KCNIP4: variants seen among roughly 807,000 people sequenced by gnomAD.
KCNIP4 encodes potassium voltage-gated channel interacting protein 4, also known as Kv channel-interacting protein 4.
Under a neutral mutation model 34.0 loss-of-function variants are expected in KCNIP4, and 12 were observed. The observed-to-expected ratio is 0.35, with a 90% CI of 0.23 to 0.57. The LOEUF (loss-of-function observed/expected upper bound fraction) is 0.57, where lower values mean the gene tolerates loss of function less well. Among genes scored for constraint, KCNIP4 ranks in the 20% least tolerant of loss-of-function variants. The pLI, the probability that KCNIP4 is intolerant of heterozygous loss-of-function variation, is 0.83. For missense variants in KCNIP4, 238 were observed against 311.7 expected, an observed-to-expected ratio of 0.76 and a Z score of 1.78; for synonymous variants, 124 against 102.2, an observed-to-expected ratio of 1.21 and a Z score of -1.29.
At chr4:21,259,665 C>T (rs565923661) in intron 1 of KCNIP4, among the ~76,000 whole-genome samples, 1 of 152,214 alleles carries the variant, frequency 6.6e-6, no homozygotes, top group Admixed American at 6.5e-5. Flanking sequence ...AAAGCATTAC[C>T]TTTTCTAAAG....
At chr4:20,932,930 T>C (rs933396033) in intron 1 of KCNIP4, among the ~76,000 whole-genome samples, 2 of 152,226 alleles carry the variant, frequency 1.3e-5, no homozygotes, top group African/African-American at 2.4e-5. Flanking sequence ...AGCTTAAGTA[T>C]TGGAACTATT....
intron 1 of KCNIP4, among the ~76,000 whole-genome samples, chr4:21,446,886 C>T (rs1728058901): frequency 6.6e-6 from 1 of 151,826 alleles, no homozygotes; most frequent in South Asian, 2.1e-4. Context: ...TCAAGTAATA[C>T]ATTCTATTGT....
intron 1 of KCNIP4, among the ~76,000 whole-genome samples, chr4:21,108,920 G>A (rs559607810): frequency 2.3e-4 from 35 of 152,120 alleles, no homozygotes; most frequent in South Asian, 8.3e-4. Flanking sequence ...GCGGATTTTC[G>A]TGAACCACGA....
At chr4:21,785,003 G>A (rs1233944910) in intron 1 of KCNIP4, among the ~76,000 whole-genome samples, 1 of 152,098 alleles carries the variant, frequency 6.6e-6, no homozygotes, top group East Asian at 1.9e-4. Flanking sequence ...TTATATTACT[G>A]GCTGTCCCCA....
At chr4:21,263,667 T>G (rs1378014941) in intron 1 of KCNIP4, among the ~76,000 whole-genome samples, 1 of 152,106 alleles carries the variant, frequency 6.6e-6, no homozygotes, top group Non-Finnish European at 1.5e-5. Context: ...TTCTGTTTAA[T>G]TTTTTAATTT....
At chr4:21,522,613 C>T (rs999361952) in intron 1 of KCNIP4, among the ~76,000 whole-genome samples, 1 of 152,184 alleles carries the variant, frequency 6.6e-6, no homozygotes, top group East Asian at 1.9e-4. Context: ...TCCTCAAATG[C>T]TCCTACCCTT....
chr4:21,048,190 C>A (rs530397105), intron 1 of KCNIP4, among the ~76,000 whole-genome samples: 148 of 152,276 alleles, frequency 9.7e-4, no homozygotes, highest in African/African-American at 3.4e-3. Context: ...AAACCTCAAA[C>A]CTCAGTTGGT....
intron 1 of KCNIP4, among the ~76,000 whole-genome samples, chr4:21,475,212 T>G (rs2109816776): frequency 6.6e-6 from 1 of 152,302 alleles, no homozygotes; most frequent in African/African-American, 2.4e-5. Context: ...TATATATCTC[T>G]ACTTTTATGT....
At chr4:21,019,178 C>T (rs980710188) in intron 1 of KCNIP4, among the ~76,000 whole-genome samples, 7 of 152,042 alleles carry the variant, frequency 4.6e-5, no homozygotes, top group Non-Finnish European at 8.8e-5. Flanking sequence ...GTTGTTGAGA[C>T]GGAGTCTTGC....
intron 1 of KCNIP4, among the ~76,000 whole-genome samples, chr4:21,015,815 C>T: frequency 7.9e-6 from 1 of 126,666 alleles, no homozygotes; most frequent in African/African-American, 3.0e-5. Flanking sequence ...ACTATATATA[C>T]CATATATAAA....
intron 1 of KCNIP4, among the ~76,000 whole-genome samples, chr4:21,558,665 C>T (rs1739273482): frequency 6.6e-6 from 1 of 151,990 alleles, no homozygotes; most frequent in Non-Finnish European, 1.5e-5. Context: ...TGTCCAAAGG[C>T]TAAGGCTATC....
intron 1 of KCNIP4, among the ~76,000 whole-genome samples, chr4:21,930,075 C>T (rs1269708480): frequency 6.6e-6 from 1 of 152,056 alleles, no homozygotes. Flanking sequence ...TATTTCTAGC[C>T]CCTTCTGGGA....
intron 1 of KCNIP4, among the ~76,000 whole-genome samples, chr4:21,540,115 G>T (rs900903598): frequency 6.6e-6 from 1 of 152,042 alleles, no homozygotes; most frequent in Non-Finnish European, 1.5e-5. Flanking sequence ...TTAATACTGG[G>T]TCTTAAACTT....
At chr4:21,584,609 T>C (rs1353208489) in intron 1 of KCNIP4, among the ~76,000 whole-genome samples, 2 of 152,032 alleles carry the variant, frequency 1.3e-5, no homozygotes, top group Non-Finnish European at 2.9e-5. Flanking sequence ...AAATAACCAA[T>C]TAGCTGGCAT....
intron 1 of KCNIP4, among the ~76,000 whole-genome samples, chr4:21,279,769 T>C (rs2109162803): frequency 6.6e-6 from 1 of 152,196 alleles, no homozygotes; most frequent in Middle Eastern, 3.4e-3. Context: ...CGTACTATAA[T>C]CTATTTGAGC....
In KCNIP4 at chr4:21,822,424, C is replaced by T. The variant is rs530278347; in HGVS notation, c.61+126147G>A. On this transcript the variant is annotated intron_variant, in intron 1 of 8. Coordinates refer to ENST00000382152, the MANE Select transcript of KCNIP4 (RefSeq NM_025221.6). The stretch of plus-strand genomic sequence containing the variant: ...ATAATCCAACAAGCAGATATAACCA[C>T]AGGGTACTAATCCAAAATGTCATCC... Among the ~76,000 whole-genome samples, 18 of 152,252 alleles carry T rather than the reference C, an allele frequency of 1.2e-4. No homozygotes were observed. The East Asian group carries it at 3.5e-3, about 29-fold the overall frequency.
At chr4:21,217,377 G>A (rs544730057) in intron 1 of KCNIP4, among the ~76,000 whole-genome samples, 12 of 152,032 alleles carry the variant, frequency 7.9e-5, no homozygotes, top group African/African-American at 2.9e-4. Flanking sequence ...AGGGATTGGT[G>A]TTGGGAGGAG....
At chr4:21,711,277 T>G (rs1056027453) in intron 1 of KCNIP4, among the ~76,000 whole-genome samples, 3 of 152,096 alleles carry the variant, frequency 2.0e-5, no homozygotes, top group Non-Finnish European at 4.4e-5. Flanking sequence ...ATTGAGACCA[T>G]CCTGGCCAAC....
intron 1 of KCNIP4, among the ~76,000 whole-genome samples, chr4:21,217,168 T>C (rs1171105532): frequency 6.6e-6 from 1 of 152,158 alleles, no homozygotes; most frequent in Non-Finnish European, 1.5e-5. Flanking sequence ...CACAGTAAAA[T>C]AAACTGCAGA....
Sources: allele counts gnomAD v4.1 joint callset (sites outside exome capture counted in the v4.1 genomes callset), GRCh38; gene constraint gnomAD v4.1.1; transcripts MANE v1.5; gene names NCBI Gene and HGNC (gene_info 2026-07-23, HGNC 2026-07-21).